The following CSNK2A2IP variants were observed in gnomAD, a reference collection of about 807,000 sequenced individuals.
The protein encoded by CSNK2A2IP is casein kinase 2 subunit alpha' interacting protein, also known as casein kinase II subunit alpha'-interacting protein.
the CSNK2A2IP span, among the ~76,000 whole-genome samples, chr3:88,387,591 T>C: frequency 6.6e-6 from 1 of 152,318 alleles, no homozygotes; most frequent in African/African-American, 2.4e-5. Flanking sequence ...ATCATTACCA[T>C]AATAATCTAT....
chr3:88,363,831 TATA>T, the CSNK2A2IP span, among the ~76,000 whole-genome samples: 1 of 152,178 alleles, frequency 6.6e-6, no homozygotes, highest in Non-Finnish European at 1.5e-5. Context: ...ATCACCTGTA[TATA>T]ATAAATGTTC....
At chr3:88,403,477 G>A in the CSNK2A2IP span, among the ~76,000 whole-genome samples, 1 of 152,086 alleles carries the variant, frequency 6.6e-6, no homozygotes, top group African/African-American at 2.4e-5. Flanking sequence ...TAATGGGGCA[G>A]CTTTGTTCTT....
the CSNK2A2IP span, among the ~76,000 whole-genome samples, chr3:88,373,019 C>T: frequency 6.6e-6 from 1 of 151,334 alleles, no homozygotes; most frequent in Non-Finnish European, 1.5e-5. Context: ...AAATAATAGA[C>T]AAATTAACAA....
the CSNK2A2IP span, among the ~76,000 whole-genome samples, chr3:88,388,523 G>A: frequency 6.6e-6 from 1 of 152,176 alleles, no homozygotes; most frequent in Non-Finnish European, 1.5e-5. Context: ...TACAGGAAGT[G>A]CAAATGTACA....
At chr3:88,429,502 T>A in the CSNK2A2IP span, among the ~76,000 whole-genome samples, 1 of 152,196 alleles carries the variant, frequency 6.6e-6, no homozygotes, top group African/African-American at 2.4e-5. Flanking sequence ...ACACTGACTT[T>A]AATTTAGGGC....
chr3:88,378,795 C>A, the CSNK2A2IP span, among the ~76,000 whole-genome samples: 1 of 151,954 alleles, frequency 6.6e-6, no homozygotes, highest in African/African-American at 2.4e-5. Context: ...ATGCATCTTG[C>A]ACATTTATCT....
At chr3:88,400,909 C>T in the CSNK2A2IP span, among the ~76,000 whole-genome samples, 1 of 152,072 alleles carries the variant, frequency 6.6e-6, no homozygotes, top group African/African-American at 2.4e-5. Flanking sequence ...GGGAGAAAAG[C>T]ATGGAACAAT....
the CSNK2A2IP span, among the ~76,000 whole-genome samples, chr3:88,360,264 G>A: frequency 6.6e-6 from 1 of 151,436 alleles, no homozygotes; most frequent in African/African-American, 2.4e-5. Context: ...CTCCCGAGTA[G>A]CTGGGACTAC....
chr3:88,382,008 C>A, the CSNK2A2IP span, among the ~76,000 whole-genome samples: 1 of 152,116 alleles, frequency 6.6e-6, no homozygotes, highest in African/African-American at 2.4e-5. Context: ...CTACTCATTC[C>A]AAGGAAAGTG....
chr3:88,461,349 C>T, the CSNK2A2IP span, among the ~76,000 whole-genome samples: 1 of 151,852 alleles, frequency 6.6e-6, no homozygotes, highest in East Asian at 2.0e-4. Flanking sequence ...GTCAGGAGAT[C>T]GAGACCATTC....
chr3:88,355,405 C>T, the CSNK2A2IP span, among the ~76,000 whole-genome samples: 3 of 152,016 alleles, frequency 2.0e-5, no homozygotes, highest in Non-Finnish European at 4.4e-5. Flanking sequence ...ATAAAATAAT[C>T]TCCTCTGGTC....
At chr3:88,400,749 G>A in the CSNK2A2IP span, among the ~76,000 whole-genome samples, 1 of 152,300 alleles carries the variant, frequency 6.6e-6, no homozygotes, top group African/African-American at 2.4e-5. Flanking sequence ...TTAGCCCAGT[G>A]AAACCTGTGT....
the CSNK2A2IP span, among the ~76,000 whole-genome samples, chr3:88,432,267 A>G: frequency 6.6e-6 from 1 of 151,938 alleles, no homozygotes; most frequent in Non-Finnish European, 1.5e-5. Flanking sequence ...TTTAATTATA[A>G]ACAGTTATCT....
chr3:88,439,615 A>G, the CSNK2A2IP span, among the ~76,000 whole-genome samples: 2,058 of 151,446 alleles, frequency 0.014, 39 homozygotes, highest in African/African-American at 0.048. Context: ...GGTGGTGCGC[A>G]CCTGTAATCC....
chr3:88,404,444 C>T, the CSNK2A2IP span, among the ~76,000 whole-genome samples: 1 of 152,068 alleles, frequency 6.6e-6, no homozygotes, highest in Non-Finnish European at 1.5e-5. Flanking sequence ...TCAGTGCTGT[C>T]CAAGAAAACT....
At chr3:88,386,133 T>C in the CSNK2A2IP span, among the ~76,000 whole-genome samples, 1 of 150,878 alleles carries the variant, frequency 6.6e-6, no homozygotes, top group South Asian at 2.1e-4. Flanking sequence ...ATTTTTTTTT[T>C]CTTTTTTTGA....
the CSNK2A2IP span, among the ~76,000 whole-genome samples, chr3:88,376,180 TA>T: frequency 0.029 from 4,344 of 151,836 alleles, 217 homozygotes; most frequent in African/African-American, 0.098. Flanking sequence ...TCTATATTTC[TA>T]AATATTGGTG....
At chr3:88,420,896 T>C in the CSNK2A2IP span, among the ~76,000 whole-genome samples, 3 of 152,150 alleles carry the variant, frequency 2.0e-5, no homozygotes, top group East Asian at 5.8e-4. Context: ...TAATGGGAGT[T>C]GGGGAAACTA....
the CSNK2A2IP span, among the ~76,000 whole-genome samples, chr3:88,417,455 A>G: frequency 0.55 from 84,213 of 151,996 alleles, 24,026 homozygotes; most frequent in East Asian, 0.77. Context: ...TGTTTGGGCT[A>G]GTGGTTCAGT....
Sources: gnomAD v4.1 joint callset for allele counts (sites outside exome capture counted in the v4.1 genomes callset) on GRCh38, gnomAD v4.1.1 for gene constraint, MANE v1.5 for transcripts, NCBI Gene and HGNC (gene_info 2026-07-23, HGNC 2026-07-21) for gene names.